The following BLTP3B variants were observed in gnomAD, a reference collection of about 807,000 sequenced individuals.
The protein encoded by BLTP3B is bridge-like lipid transfer protein family member 3B.
the BLTP3B span, chr12:100,104,047 A>C: frequency 1.3e-6 from 1 of 775,886 alleles, no homozygotes; most frequent in African/African-American, 1.8e-5. Context: ...TAGGACAGAC[A>C]CACCAAATTA....
At chr12:100,080,758 T>C in the BLTP3B span, among the ~76,000 whole-genome samples, 5 of 152,120 alleles carry the variant, frequency 3.3e-5, no homozygotes, top group Non-Finnish European at 7.4e-5. Context: ...AGTTAAAACT[T>C]TGGGGGACAG....
chr12:100,070,107 G>A, the BLTP3B span: 10 of 1,501,708 alleles, frequency 6.7e-6, no homozygotes, highest in Non-Finnish European at 8.0e-6. Flanking sequence ...TACTCCCTAT[G>A]AGATGCAGAG....
the BLTP3B span, among the ~76,000 whole-genome samples, chr12:100,112,792 G>A: frequency 4.6e-5 from 7 of 150,560 alleles, no homozygotes; most frequent in South Asian, 4.2e-4. Context: ...CCCGGGAGGC[G>A]GAGGTGGCAG....
At chr12:100,102,318 C>T in the BLTP3B span, among the ~76,000 whole-genome samples, 2 of 151,920 alleles carry the variant, frequency 1.3e-5, no homozygotes, top group African/African-American at 4.8e-5. Context: ...CACCGTTTTG[C>T]CCAGGCTGGT....
At chr12:100,048,099 T>A in the BLTP3B span, 1 of 1,613,390 alleles carries the variant, frequency 6.2e-7, no homozygotes, top group Middle Eastern at 1.7e-4. Flanking sequence ...CATTTTTTTC[T>A]GCAAGTAAAG....
At chr12:100,103,486 T>C in the BLTP3B span, among the ~76,000 whole-genome samples, 3 of 152,194 alleles carry the variant, frequency 2.0e-5, no homozygotes, top group Non-Finnish European at 4.4e-5. Context: ...TTCTTGATCA[T>C]TGTATTTTTT....
the BLTP3B span, among the ~76,000 whole-genome samples, chr12:100,076,683 C>T: frequency 2.0e-4 from 30 of 152,160 alleles, no homozygotes; most frequent in African/African-American, 6.8e-4. Flanking sequence ...CGTGAGCCAA[C>T]GTGCCCAGCC....
At chr12:100,053,308 G>T in the BLTP3B span, among the ~76,000 whole-genome samples, 1 of 145,612 alleles carries the variant, frequency 6.9e-6, no homozygotes, top group Non-Finnish European at 1.5e-5. Context: ...AGGAGGCTGA[G>T]GAGGCAGGAG....
chr12:100,066,905 G>A, the BLTP3B span, among the ~76,000 whole-genome samples: 1 of 151,778 alleles, frequency 6.6e-6, no homozygotes, highest in Non-Finnish European at 1.5e-5. Context: ...AACAGAGCAT[G>A]GAACTTTCTC....
At chr12:100,125,934 G>A in the BLTP3B span, among the ~76,000 whole-genome samples, 5 of 152,242 alleles carry the variant, frequency 3.3e-5, no homozygotes, top group Middle Eastern at 3.4e-3. Context: ...GGATAAAATG[G>A]AATCACAAGG....
At chr12:100,049,724 G>C in the BLTP3B span, among the ~76,000 whole-genome samples, 1 of 152,026 alleles carries the variant, frequency 6.6e-6, no homozygotes, top group Admixed American at 6.6e-5. Context: ...ATTGGTAATG[G>C]TTAGTGTTCT....
At chr12:100,080,006 C>T in the BLTP3B span, among the ~76,000 whole-genome samples, 14 of 152,200 alleles carry the variant, frequency 9.2e-5, no homozygotes, top group South Asian at 2.1e-4. Context: ...TGGGAGCCTC[C>T]GCCTAGATTT....
chr12:100,139,338 C>G, the BLTP3B span, among the ~76,000 whole-genome samples: 1 of 152,208 alleles, frequency 6.6e-6, no homozygotes, highest in Non-Finnish European at 1.5e-5. Flanking sequence ...TCCCTTCATC[C>G]AGGCAAAGAT....
the BLTP3B span, among the ~76,000 whole-genome samples, chr12:100,087,649 C>G: frequency 1.6e-4 from 24 of 152,140 alleles, no homozygotes; most frequent in Non-Finnish European, 2.4e-4. Context: ...GTTTTGCCAC[C>G]AAATGAGTTT....
the BLTP3B span, among the ~76,000 whole-genome samples, chr12:100,039,188 G>C: frequency 6.6e-6 from 1 of 150,644 alleles, no homozygotes; most frequent in African/African-American, 2.4e-5. Flanking sequence ...AAAGCAACTT[G>C]AATGTTAATA....
At chr12:100,120,793 A>AAGAG in the BLTP3B span, among the ~76,000 whole-genome samples, 177 of 149,686 alleles carry the variant, frequency 1.2e-3, no homozygotes, top group South Asian at 5.3e-3. Context: ...ACAATTATGT[A>AAGAG]AGAGAGAGAG....
the BLTP3B span, among the ~76,000 whole-genome samples, chr12:100,071,775 C>T: frequency 6.6e-6 from 1 of 152,112 alleles, no homozygotes; most frequent in Admixed American, 6.5e-5. Context: ...AAAAAATTCT[C>T]TACAGCTAAA....
chr12:100,126,486 C>T, the BLTP3B span, among the ~76,000 whole-genome samples: 1 of 151,834 alleles, frequency 6.6e-6, no homozygotes, highest in South Asian at 2.1e-4. Context: ...GCCAAAGGAA[C>T]CACCACCACC....
the BLTP3B span, among the ~76,000 whole-genome samples, chr12:100,067,059 T>C: frequency 3.5e-4 from 53 of 152,056 alleles, no homozygotes; most frequent in Non-Finnish European, 6.3e-4. Flanking sequence ...TGCAAATACC[T>C]GGAAATTAAA....
Sources: gnomAD v4.1 joint callset for allele counts (sites outside exome capture counted in the v4.1 genomes callset) on GRCh38, gnomAD v4.1.1 for gene constraint, MANE v1.5 for transcripts, NCBI Gene and HGNC (gene_info 2026-07-23, HGNC 2026-07-21) for gene names.